The following FRMD6 variants were observed in gnomAD, a reference collection of about 807,000 sequenced individuals.
FRMD6 encodes the protein FERM domain-containing protein 6.
In FRMD6, 37 loss-of-function variants were observed where a neutral mutation model predicts 73.2. That is an observed-to-expected ratio of 0.51 (90% CI 0.39 to 0.66). FRMD6 has a LOEUF of 0.66. FRMD6 is among the 30% of genes least tolerant of loss of function. The pLI, the probability that FRMD6 is intolerant of heterozygous loss-of-function variation, is 0.00. For synonymous variants in FRMD6, 273 were observed against 282.2 expected (o/e 0.97, Z 0.33); for missense variants, 714 against 780.5 (o/e 0.91, Z 1.02).
At position 51,627,024 on chromosome 14, in the gene FRMD6, A is replaced by G. The variant is rs137876571; in HGVS notation, c.-147+56614A>G. Among the ~76,000 whole-genome samples the G allele has an allele frequency of 3.3e-3, 509 of 152,338 alleles. 4 individuals are homozygous for G. The highest frequency in any genetic ancestry group is 0.012 in the African/African-American group (484 of 41,566). ...AAAACTACTTTCACTTTTAAAATGTACCACATGCCTAATGATCTGATATTT... is the reference window on the plus strand; with the variant it reads ...AAAACTACTTTCACTTTTAAAATGTGCCACATGCCTAATGATCTGATATTT... On this transcript the variant is annotated intron_variant, in intron 2 of 14. Transcript: ENST00000356218.
chr14:51,484,476 A>G (rs950619738), upstream of FRMD6, among the ~76,000 whole-genome samples: 4 of 152,130 alleles, frequency 2.6e-5, no homozygotes, highest in Non-Finnish European at 5.9e-5. Context: ...TAGCTGCAAC[A>G]TAACGAACAA....
chr14:51,588,138 A>G (rs1237742085), intron 2 of FRMD6, among the ~76,000 whole-genome samples: 2 of 152,186 alleles, frequency 1.3e-5, no homozygotes. Flanking sequence ...TAATATAGAC[A>G]TTTAAAATGA....
the FRMD6 span, among the ~76,000 whole-genome samples, chr14:51,481,487 G>A: frequency 0.77 from 117,350 of 152,106 alleles, 45,545 homozygotes; most frequent in African/African-American, 0.85. Flanking sequence ...GGTCCCTTCC[G>A]CAACACATGG....
chr14:51,702,046 A>C, intron 4 of FRMD6, among the ~76,000 whole-genome samples: 1 of 152,106 alleles, frequency 6.6e-6, no homozygotes, highest in East Asian at 1.9e-4. Context: ...GTAAACTAGA[A>C]GGCTACTTCA....
chr14:51,683,765 T>TA (rs1894970601), intron 1 of FRMD6, among the ~76,000 whole-genome samples: 1 of 152,202 alleles, frequency 6.6e-6, no homozygotes, highest in Non-Finnish European at 1.5e-5. Context: ...CAGCAGGTGT[T>TA]GTGGAATCCA....
At chr14:51,716,704 T>C (rs1216596686) in intron 10 of FRMD6, among the ~76,000 whole-genome samples, 1 of 152,216 alleles carries the variant, frequency 6.6e-6, no homozygotes, top group Non-Finnish European at 1.5e-5. Flanking sequence ...TCAGAGAGAA[T>C]TGGTATAACT....
chr14:51,413,002 T>A, the FRMD6 span, among the ~76,000 whole-genome samples: 10,385 of 149,432 alleles, frequency 0.069, 533 homozygotes, highest in Middle Eastern at 0.12. Flanking sequence ...TTTTTTTTTT[T>A]TTTTTTTGAG....
At chr14:51,567,364 A>G (rs983612778) in intron 1 of FRMD6, among the ~76,000 whole-genome samples, 3 of 152,086 alleles carry the variant, frequency 2.0e-5, no homozygotes, top group African/African-American at 7.2e-5. Context: ...GTTTTCTTTT[A>G]GGGACAAGGT....
Position 51,707,215 on chromosome 14 carries a change from AACTG to A in FRMD6, c.559-859_559-856del, listed in dbSNP as rs772129938. The stretch of plus-strand genomic sequence containing the variant: ...ACTTGAGTTCTTAGCAGAACTTGAC[AACTG>A]ACTATTAATTCATCATATTTAATTC... On this transcript the variant is annotated intron_variant, in intron 6 of 13. Coordinates refer to ENST00000344768, the MANE Select transcript of FRMD6 (RefSeq NM_001267046.2). 7.2e-5 allele frequency among the ~76,000 whole-genome samples: 11 copies of A among 152,294 alleles called. No homozygotes were observed. The East Asian group carries it at 1.5e-3, about 21-fold the overall frequency.
At chr14:51,477,524 A>G in the FRMD6 span, among the ~76,000 whole-genome samples, 1 of 152,166 alleles carries the variant, frequency 6.6e-6, no homozygotes, top group Non-Finnish European at 1.5e-5. Flanking sequence ...GTTGGAGACT[A>G]TTCAAAATAT....
intron 2 of FRMD6, among the ~76,000 whole-genome samples, chr14:51,691,096 C>A (rs1312825710): frequency 6.6e-6 from 1 of 152,176 alleles, no homozygotes; most frequent in Non-Finnish European, 1.5e-5. Flanking sequence ...TTCTTAACTT[C>A]ATGAAGCTGA....
chr14:51,675,471 A>G (rs903578051), intron 1 of FRMD6, among the ~76,000 whole-genome samples: 1 of 152,130 alleles, frequency 6.6e-6, no homozygotes, highest in African/African-American at 2.4e-5. Context: ...GACAATGGTA[A>G]ATATGTTGTG....
chr14:51,567,988 G>T (rs562930715), intron 1 of FRMD6, among the ~76,000 whole-genome samples: 1 of 152,272 alleles, frequency 6.6e-6, no homozygotes. Context: ...TTCGTGTCTC[G>T]AAGTTCCTGA....
At chr14:51,726,580 G>A (rs1193045392) in intron 13 of FRMD6, among the ~76,000 whole-genome samples, 5 of 151,208 alleles carry the variant, frequency 3.3e-5, no homozygotes, top group Admixed American at 6.6e-5. Context: ...TCTTACTTGC[G>A]TTGAAGTAAC....
chr14:51,436,119 T>C, the FRMD6 span: 48 of 234,812 alleles, frequency 2.0e-4, no homozygotes, highest in African/African-American at 1.1e-3. Context: ...AGAGAAGACA[T>C]TGACTTCTGC....
At chr14:51,726,519 C>T (rs1252444238) in intron 13 of FRMD6, among the ~76,000 whole-genome samples, 1 of 152,068 alleles carries the variant, frequency 6.6e-6, no homozygotes, top group African/African-American at 2.4e-5. Context: ...CTCCTTGTCC[C>T]TACTTTTCTC....
At chr14:51,697,770 A>G (rs1422673820) in intron 2 of FRMD6, among the ~76,000 whole-genome samples, 1 of 152,186 alleles carries the variant, frequency 6.6e-6, no homozygotes, top group Admixed American at 6.6e-5. Context: ...AATTAAAAAA[A>G]CAAATGAATA....
intron 1 of FRMD6, among the ~76,000 whole-genome samples, chr14:51,499,898 G>T (rs1883506301): frequency 6.6e-6 from 1 of 151,946 alleles, no homozygotes; most frequent in Non-Finnish European, 1.5e-5. Flanking sequence ...TTGTTAAATT[G>T]AAAATATTCT....
chr14:51,409,987 T>G, the FRMD6 span, among the ~76,000 whole-genome samples: 2 of 152,222 alleles, frequency 1.3e-5, no homozygotes, highest in African/African-American at 2.4e-5. Context: ...CTCAAACTTC[T>G]TGAATGTAAA....
Sources: allele counts gnomAD v4.1 joint callset (sites outside exome capture counted in the v4.1 genomes callset), GRCh38; gene constraint gnomAD v4.1.1; transcripts MANE v1.5; gene names NCBI Gene and HGNC (gene_info 2026-07-23, HGNC 2026-07-21).